The following ACTR10 variants were observed in gnomAD, a reference collection of about 807,000 sequenced individuals.
The protein encoded by ACTR10 is actin-related protein 10.
ACTR10 carries 43 observed loss-of-function variants against 56.2 expected under a neutral mutation model. That is an observed-to-expected ratio of 0.77 (90% CI 0.60 to 0.99). ACTR10 has a LOEUF of 0.99. ACTR10 is among the 50% of genes least tolerant of loss of function. The pLI, the probability that ACTR10 is intolerant of heterozygous loss-of-function variation, is 0.00. For missense variants in ACTR10, 466 were observed against 507.8 expected (o/e 0.92, Z 0.79); for synonymous variants, 170 against 176.3 (o/e 0.96, Z 0.28).
At chr14:58,230,559 A>T in intron 11 of ACTR10, 79 bp downstream of exon 11, 1 of 608,472 alleles carries the variant, frequency 1.6e-6, no homozygotes, top group South Asian at 3.6e-5. Flanking sequence ...TTAGGCAACT[A>T]GCAATCCTTG....
At chr14:58,231,028 A>T (rs1240239193) in intron 11 of ACTR10, 1 of 312,392 alleles carries the variant, frequency 3.2e-6, no homozygotes, top group African/African-American at 2.3e-5. Flanking sequence ...AAGTGCTGGG[A>T]TTACAAGCGT....
intron 3 of ACTR10, among the ~76,000 whole-genome samples, chr14:58,208,429 TG>T (rs558277684): frequency 2.0e-5 from 3 of 152,080 alleles, no homozygotes; most frequent in African/African-American, 7.2e-5. Context: ...TCCATAAGAA[TG>T]AAAAAAAATA....
intron 10 of ACTR10, among the ~76,000 whole-genome samples, chr14:58,226,946 A>G (rs1050218144): frequency 6.6e-6 from 1 of 152,160 alleles, no homozygotes; most frequent in African/African-American, 2.4e-5. Flanking sequence ...GAAACCTTCT[A>G]ATTAGACACA....
chr14:58,208,103 G>A lies in ACTR10; in HGVS notation c.233+85G>A, dbSNP rs1392320754. On this transcript the variant is annotated intron_variant, in intron 3 of 12. Coordinates refer to ENST00000254286, the MANE Select transcript of ACTR10 (RefSeq NM_018477.3). ...GATAATTGGTTGTGTTACAGCTGAG[G>A]CCAAAAAAAAAAAAAATGGACTTCT... is the stretch of plus-strand genomic sequence containing the variant. 1.8e-5 allele frequency: 22 copies of A among 1,220,904 alleles called. No individual in the cohort carries two copies. The African/African-American group carries it at 2.8e-4, about 16-fold the overall frequency. The allele number at this position is 1,220,904 out of a possible 1,614,324, so 75.6% of individuals were successfully genotyped here. A position where few individuals can be genotyped will look rare whatever the true frequency, so the allele number is the denominator to read the frequency against.
intron 11 of ACTR10, chr14:58,231,167 C>A: frequency 4.3e-6 from 1 of 230,332 alleles, no homozygotes; most frequent in Admixed American, 4.5e-5. Context: ...AGTATCCTGC[C>A]TCAGCTTCCC....
In ACTR10 at chr14:58,211,108, G is replaced by C. The variant is rs919831938; in HGVS notation, c.343-184G>C. The C allele has an allele frequency of 2.5e-5, 12 of 489,196 alleles. No individual in the cohort carries two copies. The East Asian group carries it at 4.0e-4, about 16-fold the overall frequency. 30.3% of individuals were successfully genotyped at this position (489,196 alleles called of 1,614,324 possible). A position where few individuals can be genotyped will look rare whatever the true frequency, so the allele number is the denominator to read the frequency against. On this transcript the variant is annotated intron_variant, in intron 4 of 12. Coordinates refer to ENST00000254286, the MANE Select transcript of ACTR10 (RefSeq NM_018477.3). ...TATTACAGTGTATTTTGGTTATTGAGTGAATTTATATAAATCAACAAACTA... is the reference window on the plus strand; with the variant it reads ...TATTACAGTGTATTTTGGTTATTGACTGAATTTATATAAATCAACAAACTA...
chr14:58,228,681 CTTTTTTTTTTTTTTTTTTTT>C (rs35498207), intron 10 of ACTR10, among the ~76,000 whole-genome samples: 21 of 40,790 alleles, frequency 5.1e-4, no homozygotes, highest in Non-Finnish European at 7.9e-4. Context: ...GCAAGACAGA[CTTTTTTTTTTTTTTTTTTTT>C]TTTTTTTTTT....
At chr14:58,212,278 G>T (rs1040169929) in intron 5 of ACTR10, among the ~76,000 whole-genome samples, 2 of 152,116 alleles carry the variant, frequency 1.3e-5, no homozygotes, top group African/African-American at 4.8e-5. Context: ...TTATATCATT[G>T]ACCATAGGCA....
At chr14:58,230,530 A>T (rs1322324105) in intron 11 of ACTR10, 50 bp downstream of exon 11, 1 of 967,180 alleles carries the variant, frequency 1.0e-6, no homozygotes, top group East Asian at 2.8e-5. Context: ...TCCTTTAAAT[A>T]TAAATTTTAA....
Position 58,209,030 on chromosome 14 carries a change from G to A in ACTR10, c.265G>A (p.Val89Ile). Residue 89 changes from valine to isoleucine, a missense_variant, in exon 4 of 13, where the codon GTT becomes ATT. Transcript: ENST00000254286. ...HLLVNPRDRR[V>I]VIIESVLCPS... ...ATTGGTGAATCCCAGAGACCGCCGA[G>A]TTGTGATTATCGAATCGGTATTATG... 1 of 1,612,760 alleles carries A rather than the reference G, an allele frequency of 6.2e-7. No individual in the cohort carries two copies. The highest frequency in any genetic ancestry group is 8.5e-7 in the Non-Finnish European group (1 of 1,179,346).
chr14:58,200,773 A>G (rs1397070838), intron 1 of ACTR10, among the ~76,000 whole-genome samples: 2 of 152,258 alleles, frequency 1.3e-5, no homozygotes, highest in African/African-American at 4.8e-5. Context: ...GAGACTGGGC[A>G]CATTAAGAGG....
intron 10 of ACTR10, among the ~76,000 whole-genome samples, chr14:58,224,788 G>A (rs1889359971): frequency 6.6e-6 from 1 of 151,936 alleles, no homozygotes; most frequent in Non-Finnish European, 1.5e-5. Flanking sequence ...TTGGAAGTTC[G>A]AGACCAGCCT....
At chr14:58,215,868 A>G (rs1400843720) in intron 7 of ACTR10, among the ~76,000 whole-genome samples, 3 of 152,040 alleles carry the variant, frequency 2.0e-5, no homozygotes, top group Non-Finnish European at 4.4e-5. Context: ...ATTCATTTCA[A>G]TTATTAGATA....
chr14:58,220,260 A>G (rs1258030888), intron 8 of ACTR10, among the ~76,000 whole-genome samples: 1 of 152,178 alleles, frequency 6.6e-6, no homozygotes, highest in Non-Finnish European at 1.5e-5. Flanking sequence ...AATACTTGGC[A>G]TGTCATTAAT....
chr14:58,234,818 CTTTTT>C lies in ACTR10; in HGVS notation c.*284_*288del, dbSNP rs527714860. 97 of 97,436 alleles carry C rather than the reference CTTTTT, an allele frequency of 1.0e-3. No homozygotes were observed. The highest frequency in any genetic ancestry group is 1.6e-3 in the South Asian group (5 of 3,050). The allele number at this position is 97,436 out of a possible 1,614,324, so 6.0% of individuals were successfully genotyped here. A position where few individuals can be genotyped will look rare whatever the true frequency, so the allele number is the denominator to read the frequency against. On this transcript the variant is annotated 3_prime_UTR_variant, in exon 13 of 13. Transcript: ENST00000254286. ...TTGATTTTGGAAGTTTGTTATGTGGCTTTTTTTTTTTTTTTTTTTTTGAGACGGAG... is the reference window on the plus strand; with the variant it reads ...TTGATTTTGGAAGTTTGTTATGTGGCTTTTTTTTTTTTTTTTGAGACGGAG...
In ACTR10 at chr14:58,223,628, C is replaced by T; in HGVS notation, c.641C>T (p.Thr214Ile). Residue 214 changes from threonine to isoleucine, a missense_variant, in exon 9 of 13, where the codon ACT becomes ATT. Transcript: ENST00000254286. ...CTCCTTTTCTTCCTTAAAGCGCGTA[C>T]TTGCTTTGTAAGTGATCTGAAGCGA... ...EGVLEDIKAR[T>I]CFVSDLKRGL... 1 of 1,612,096 alleles carries T rather than the reference C, an allele frequency of 6.2e-7. No individual in the cohort carries two copies. Among genetic ancestry groups the T allele is most frequent in the South Asian group, 1.1e-5 (1 of 90,588 alleles).
chr14:58,205,800 T>G (rs1218035626), intron 2 of ACTR10, among the ~76,000 whole-genome samples: 1 of 152,030 alleles, frequency 6.6e-6, no homozygotes, highest in Non-Finnish European at 1.5e-5. Flanking sequence ...GGTGGCCAGA[T>G]CACTTGAGGC....
chr14:58,223,846 G>T lies in ACTR10; in HGVS notation c.778G>T (p.Gly260Ter). The change falls in exon 10 of 13, where the codon GGA becomes TGA. Residue 260 changes from glycine (G) to a stop codon, truncating the protein, a stop_gained. Transcript: ENST00000254286. LOFTEE classifies it high-confidence loss of function. ...LDGEKILHIL[G>*]SIRDSVVEIL... is the part of the protein sequence containing the mutation. ...TGGAGAGAAGATTTTACATATCCTT[G>T]GATCAATCAGGTTAGATCTTAAATT... is the stretch of plus-strand genomic sequence containing the variant. The T allele has an allele frequency of 1.2e-6, 2 of 1,611,280 alleles. No individual in the cohort carries two copies. Among genetic ancestry groups the T allele is most frequent in the Non-Finnish European group, 1.7e-6 (2 of 1,178,218 alleles).
At chr14:58,205,602 A>T (rs1273553936) in intron 2 of ACTR10, among the ~76,000 whole-genome samples, 1 of 152,162 alleles carries the variant, frequency 6.6e-6, no homozygotes, top group Non-Finnish European at 1.5e-5. Flanking sequence ...GGTGTGAGCC[A>T]CTGCGCTCGG....
Sources: gnomAD v4.1 joint callset for allele counts (sites outside exome capture counted in the v4.1 genomes callset) on GRCh38, gnomAD v4.1.1 for gene constraint, MANE v1.5 for transcripts, NCBI Gene and HGNC (gene_info 2026-07-23, HGNC 2026-07-21) for gene names.